MAPK8: variants seen among roughly 807,000 people sequenced by gnomAD.
The protein encoded by MAPK8 is JUN N-terminal kinase.
MAPK8 carries 13 observed loss-of-function variants against 52.9 expected under a neutral mutation model. The observed-to-expected ratio is 0.25, with a 90% CI of 0.16 to 0.39. MAPK8 has a LOEUF of 0.39. MAPK8 is among the 10% of genes least tolerant of loss of function. The pLI, the probability that MAPK8 is intolerant of heterozygous loss-of-function variation, is 1.00. For synonymous variants in MAPK8, 191 were observed against 169.8 expected (o/e 1.12, Z -0.97); for missense variants, 300 against 519.2 (o/e 0.58, Z 4.10).
intron 1 of MAPK8, among the ~76,000 whole-genome samples, chr10:48,394,308 A>G (rs1454388973): frequency 3.3e-5 from 5 of 151,974 alleles, no homozygotes; most frequent in African/African-American, 9.7e-5. Context: ...AGAAAACTAC[A>G]GTCCAGTATT....
intron 1 of MAPK8, among the ~76,000 whole-genome samples, chr10:48,343,822 T>C (rs925565034): frequency 4.6e-5 from 7 of 152,254 alleles, no homozygotes; most frequent in African/African-American, 1.4e-4. Context: ...GAGGGCATTA[T>C]TGTATACTCA....
chr10:48,361,848 A>G (rs947645528), intron 1 of MAPK8, among the ~76,000 whole-genome samples: 13 of 152,294 alleles, frequency 8.5e-5, no homozygotes, highest in African/African-American at 2.6e-4. Context: ...CACAGTAAGT[A>G]TGTTTTCTAC....
chr10:48,376,582 C>T (rs1473448934), intron 1 of MAPK8, among the ~76,000 whole-genome samples: 1 of 152,186 alleles, frequency 6.6e-6, no homozygotes, highest in Non-Finnish European at 1.5e-5. Flanking sequence ...TATGAAGAGA[C>T]ACTTCTCAAA....
At chr10:48,422,006 C>CTTATTTATTTATTTATTTAT (rs199974312) in intron 6 of MAPK8, among the ~76,000 whole-genome samples, 1 of 143,882 alleles carries the variant, frequency 7.0e-6, no homozygotes, top group South Asian at 2.2e-4. Context: ...TTTTATTTAT[C>CTTATTTATTTATTTATTTAT]TTATTTATTT....
chr10:48,384,233 C>T (rs2041179821), intron 1 of MAPK8, among the ~76,000 whole-genome samples: 1 of 152,108 alleles, frequency 6.6e-6, no homozygotes, highest in East Asian at 1.9e-4. Flanking sequence ...GCCTGGGCGA[C>T]AGAGCGAGAC....
Position 48,427,478 on chromosome 10 carries a change from A to G in MAPK8, c.1060+335A>G, listed in dbSNP as rs2043758195. 3 of 172,240 alleles carry G rather than the reference A, an allele frequency of 1.7e-5. No individual in the cohort carries two copies. The South Asian group carries it at 4.4e-4, about 25-fold the overall frequency. 10.7% of individuals were successfully genotyped at this position (172,240 alleles called of 1,614,324 possible). ...GTTGTGTACGGTGTATGCTATATGT[A>G]CTTGCTTTGTTTATTTATTATATAT... On this transcript the variant is annotated intron_variant, in intron 10 of 11. Coordinates refer to ENST00000374189, the MANE Select transcript of MAPK8 (RefSeq NM_001323329.2).
intron 1 of MAPK8, among the ~76,000 whole-genome samples, chr10:48,394,689 C>T (rs1228014266): frequency 6.6e-6 from 1 of 151,822 alleles, no homozygotes; most frequent in Admixed American, 6.6e-5. Context: ...TGAACAGGCA[C>T]CACTTCTATT....
intron 2 of MAPK8, among the ~76,000 whole-genome samples, chr10:48,404,516 G>C (rs2042354740): frequency 6.6e-6 from 1 of 152,108 alleles, no homozygotes; most frequent in South Asian, 2.1e-4. Flanking sequence ...GATTTATTTA[G>C]GCTTTAGGCT....
At chr10:48,419,623 T>C (rs1357071346) in intron 5 of MAPK8, among the ~76,000 whole-genome samples, 2 of 152,172 alleles carry the variant, frequency 1.3e-5, no homozygotes, top group African/African-American at 4.8e-5. Context: ...AAATCAGGGA[T>C]GGAAAAATGG....
chr10:48,426,827 G>A (rs927717616), intron 9 of MAPK8: 5 of 482,388 alleles, frequency 1.0e-5, no homozygotes, highest in Admixed American at 7.2e-5. Context: ...AGAATTCTGT[G>A]ATCTGTGATA....
chr10:48,404,281 C>CT (rs2042337271), intron 2 of MAPK8, among the ~76,000 whole-genome samples: 2 of 151,794 alleles, frequency 1.3e-5, no homozygotes, highest in East Asian at 3.9e-4. Flanking sequence ...CTTAGCCTCT[C>CT]AAGTAGCTGG....
intron 1 of MAPK8, among the ~76,000 whole-genome samples, chr10:48,393,055 G>A (rs192170637): frequency 2.6e-5 from 4 of 152,142 alleles, no homozygotes; most frequent in South Asian, 4.2e-4. Context: ...TGCATCTTCT[G>A]TGGCTTCCTT....
chr10:48,331,393 A>G (rs1844133288), intron 1 of MAPK8, among the ~76,000 whole-genome samples: 1 of 152,206 alleles, frequency 6.6e-6, no homozygotes, highest in Non-Finnish European at 1.5e-5. Context: ...TCCCAGCCAT[A>G]TTAACTTCGA....
At chr10:48,349,283 A>G (rs955362376) in intron 1 of MAPK8, among the ~76,000 whole-genome samples, 8 of 152,196 alleles carry the variant, frequency 5.3e-5, no homozygotes, top group Non-Finnish European at 8.8e-5. Context: ...CCTAATAGAC[A>G]TCGATAGAAC....
intron 1 of MAPK8, among the ~76,000 whole-genome samples, chr10:48,390,991 G>A (rs1231576876): frequency 3.3e-5 from 5 of 152,182 alleles, no homozygotes; most frequent in African/African-American, 1.2e-4. Flanking sequence ...TTAGGTTAGA[G>A]CTGGTTTGAA....
In MAPK8 at chr10:48,401,651, G is replaced by A. The variant is rs780993770; in HGVS notation, c.-10G>A. ...TTTGGATGAAGCCATTAAATTAATT[G>A]CTTGCCATCATGAGCAGAAGCAAGC... On this transcript the variant is annotated 5_prime_UTR_variant, in exon 2 of 12. Coordinates refer to ENST00000374189, the MANE Select transcript of MAPK8 (RefSeq NM_001323329.2). The A allele has an allele frequency of 8.7e-6, 14 of 1,609,700 alleles. No individual in the cohort carries two copies. In the East Asian group the frequency reaches 1.6e-4, roughly 18 times the overall value.
intron 1 of MAPK8, among the ~76,000 whole-genome samples, chr10:48,313,220 G>A (rs1329042932): frequency 6.6e-6 from 1 of 152,140 alleles, no homozygotes; most frequent in Non-Finnish European, 1.5e-5. Flanking sequence ...ATCACCTGAG[G>A]TCAGGAGTTT....
chr10:48,401,750 A>T lies in MAPK8; in HGVS notation c.90A>T (p.Lys30Asn). The T allele has an allele frequency of 6.4e-7, 1 of 1,556,996 alleles. No homozygotes were observed. The highest frequency in any genetic ancestry group is 8.6e-7 in the Non-Finnish European group (1 of 1,158,158). The change falls in exon 2 of 12, where the codon AAA becomes AAT. Residue 30 changes from lysine (K) to asparagine (N), a missense_variant. Around this residue, in one of 3 missense-constraint regions of MAPK8, gnomAD observed 34 missense variants for 36.7 expected, o/e 0.93. Coordinates refer to ENST00000374189, the MANE Select transcript of MAPK8 (RefSeq NM_001323329.2). ...FTVLKRYQNL[K>N]PIGSGAQGIV... ...TCCTGAAACGATATCAGAATTTAAA[A>T]CCTATAGGCTCAGGAGCTCAAGGAA... is the stretch of plus-strand genomic sequence containing the variant.
intron 1 of MAPK8, among the ~76,000 whole-genome samples, chr10:48,401,012 C>T (rs2042133394): frequency 6.6e-6 from 1 of 152,190 alleles, no homozygotes; most frequent in South Asian, 2.1e-4. Context: ...GCTTCTCATC[C>T]TTTCACCCAT....
Sources: gnomAD v4.1 joint callset for allele counts (sites outside exome capture counted in the v4.1 genomes callset) on GRCh38, gnomAD v4.1.1 for gene constraint, gnomAD v4.1.1 regional missense constraint, MANE v1.5 for transcripts, NCBI Gene and HGNC (gene_info 2026-07-23, HGNC 2026-07-21) for gene names.